Variants in SPTLC1 observed in about 807,000 individuals in gnomAD.
The protein encoded by SPTLC1 is serine palmitoyltransferase long chain base subunit 1, also known as serine palmitoyltransferase 1.
In SPTLC1, 55 loss-of-function variants were observed where a neutral mutation model predicts 68.9. That is an observed-to-expected ratio of 0.80 (90% CI 0.64 to 1.00). SPTLC1 has a LOEUF of 1.00. Ranked by LOEUF, SPTLC1 falls within the 50% of genes least tolerant of loss-of-function variation. The pLI is 0.00. For missense variants in SPTLC1, 449 were observed against 573.1 expected, an observed-to-expected ratio of 0.78 and a Z score of 2.21; for synonymous variants, 197 against 201.6, an observed-to-expected ratio of 0.98 and a Z score of 0.19.
intron 7 of SPTLC1, among the ~76,000 whole-genome samples, chr9:92,056,330 A>G (rs1833889761): frequency 6.6e-6 from 1 of 152,138 alleles, no homozygotes; most frequent in African/African-American, 2.4e-5. Context: ...CCAGGGTTCA[A>G]GCAATTCTCT....
rs115990612 is a variant in SPTLC1, at chr9:92,036,193, T to C, written c.1255-1310A>G. On this transcript the variant is annotated intron_variant, in intron 13 of 14. Coordinates refer to ENST00000262554, the MANE Select transcript of SPTLC1 (RefSeq NM_006415.4). The stretch of plus-strand genomic sequence containing the variant: ...ATAGTATTCTGTTCCCTACCCCAGA[T>C]TGTTCTCTTCTCACTCAACTCTCAA... 2.3e-3 allele frequency among the ~76,000 whole-genome samples: 352 copies of C among 152,334 alleles called. 4 individuals carry two copies. The highest frequency in any genetic ancestry group is 7.8e-3 in the African/African-American group (325 of 41,570).
At chr9:92,047,021 G>C (rs1241487200) in intron 11 of SPTLC1, 151 bp downstream of exon 11, 7 of 722,542 alleles carry the variant, frequency 9.7e-6, no homozygotes, top group East Asian at 2.7e-5. Flanking sequence ...GGCAGGAATA[G>C]CTTCTTCACT....
intron 3 of SPTLC1, among the ~76,000 whole-genome samples, chr9:92,082,260 T>G (rs1268600124): frequency 1.3e-5 from 2 of 152,130 alleles, no homozygotes; most frequent in Non-Finnish European, 2.9e-5. Flanking sequence ...ATTATTATAC[T>G]CTAAGTTTTA....
At chr9:92,104,518 G>A in intron 3 of SPTLC1, 1 of 1,417,748 alleles carries the variant, frequency 7.1e-7, no homozygotes, top group African/African-American at 1.4e-5. Flanking sequence ...AGAAACCCGT[G>A]CTGTCTGCTC....
intron 5 of SPTLC1, among the ~76,000 whole-genome samples, chr9:92,071,305 C>T (rs1417894674): frequency 1.3e-5 from 2 of 151,620 alleles, no homozygotes; most frequent in Non-Finnish European, 2.9e-5. Context: ...GAGGCTGAGG[C>T]AGGAGAATCG....
At chr9:92,063,769 C>T (rs1030506237) in intron 6 of SPTLC1, among the ~76,000 whole-genome samples, 1 of 152,174 alleles carries the variant, frequency 6.6e-6, no homozygotes, top group Non-Finnish European at 1.5e-5. Flanking sequence ...ATGATCATAT[C>T]AACCAATACA....
rs765166668 is a variant in SPTLC1 at position 92,047,623 on chromosome 9, A to G, written c.974T>C (p.Ile325Thr). The change falls in exon 10 of 15, where the codon ATT becomes ACT. Residue 325 changes from isoleucine (I) to threonine (T), a missense_variant. Physicochemically the swap from Ile to Thr is moderately conservative, Grantham distance 89. Transcript: ENST00000262554. ...TTAAAAAGAACCCACCTGATGGTCA[A>G]TTACAAAAGACCTGCCACAGCAGAA... ...GGFCCGRSFV[I>T]DHQRLSGQGY... 6.2e-7 allele frequency: 1 copy of G among 1,611,832 alleles called. No homozygotes were observed. The highest frequency in any genetic ancestry group is 1.3e-5 in the African/African-American group (1 of 74,882).
intron 5 of SPTLC1, among the ~76,000 whole-genome samples, chr9:92,071,198 T>C (rs1834471518): frequency 7.2e-6 from 1 of 139,244 alleles, no homozygotes; most frequent in African/African-American, 2.7e-5. Context: ...GGGACCAGCC[T>C]GACCAAAACG....
At chr9:92,092,056 C>G (rs947740766) in intron 3 of SPTLC1, among the ~76,000 whole-genome samples, 1 of 152,156 alleles carries the variant, frequency 6.6e-6, no homozygotes, top group Non-Finnish European at 1.5e-5. Context: ...TAATACTGAT[C>G]TTTATACTGT....
chr9:92,085,038 T>G (rs879412708), intron 3 of SPTLC1, among the ~76,000 whole-genome samples: 2 of 151,686 alleles, frequency 1.3e-5, no homozygotes, highest in African/African-American at 4.8e-5. Flanking sequence ...TAGAGGTGTT[T>G]GTAGTATTCT....
chr9:92,093,876 T>C (rs920689897), intron 3 of SPTLC1, among the ~76,000 whole-genome samples: 1 of 152,160 alleles, frequency 6.6e-6, no homozygotes, highest in Non-Finnish European at 1.5e-5. Flanking sequence ...TATTTGCAGG[T>C]AGGCAGAGAC....
In SPTLC1 at chr9:92,104,971, A is replaced by C. The variant is rs538062380; in HGVS notation, c.260+3769T>G. ...TCCTTCCCTTTGGGAAGCCTGACCC[A>C]CTTCCAACAGTGCTCCCTGCCCCAG... On this transcript the variant is annotated intron_variant, in intron 3 of 14. Transcript: ENST00000262554. 304 of 1,533,350 alleles carry C rather than the reference A, an allele frequency of 2.0e-4. 5 individuals are homozygous for C. In the East Asian group the frequency reaches 6.3e-3, roughly 32 times the overall value. 95.0% of individuals were successfully genotyped at this position (1,533,350 alleles called of 1,614,324 possible).
intron 7 of SPTLC1, among the ~76,000 whole-genome samples, chr9:92,057,543 G>C (rs1032433488): frequency 2.6e-5 from 4 of 152,184 alleles, no homozygotes; most frequent in African/African-American, 9.6e-5. Context: ...AAAACTCCTA[G>C]CCTAATCTCC....
chr9:92,045,978 T>C (rs372519395), intron 12 of SPTLC1, 21 bp downstream of exon 12: 19 of 1,607,102 alleles, frequency 1.2e-5, no homozygotes, highest in African/African-American at 5.4e-5. Context: ...TTTATGTTGG[T>C]TGAAAATATA....
intron 13 of SPTLC1, among the ~76,000 whole-genome samples, chr9:92,037,759 C>T (rs1833193573): frequency 6.6e-6 from 1 of 152,138 alleles, no homozygotes; most frequent in Admixed American, 6.5e-5. Flanking sequence ...TTATAAAAAG[C>T]GGTCTTCCTT....
At chr9:92,082,761 G>A (rs1040362145) in intron 3 of SPTLC1, among the ~76,000 whole-genome samples, 1 of 151,688 alleles carries the variant, frequency 6.6e-6, no homozygotes, top group Admixed American at 6.6e-5. Flanking sequence ...ACCCAGTAAT[G>A]GGATGGCTGG....
intron 8 of SPTLC1, among the ~76,000 whole-genome samples, chr9:92,052,644 C>T (rs573489421): frequency 7.9e-5 from 12 of 152,050 alleles, no homozygotes; most frequent in Non-Finnish European, 1.8e-4. Flanking sequence ...ATTCTCCTGC[C>T]TCAGCCTCCC....
intron 3 of SPTLC1, among the ~76,000 whole-genome samples, chr9:92,096,390 T>C (rs1304639158): frequency 1.3e-5 from 2 of 152,168 alleles, no homozygotes; most frequent in African/African-American, 4.8e-5. Context: ...TGTGTATATA[T>C]ATATAAATAT....
intron 3 of SPTLC1, among the ~76,000 whole-genome samples, chr9:92,093,654 T>A (rs532333990): frequency 6.3e-4 from 96 of 152,326 alleles, no homozygotes; most frequent in African/African-American, 2.3e-3. Flanking sequence ...AGATATACGA[T>A]GGTCAGCTGA....
Sources: gnomAD v4.1 joint callset for allele counts (sites outside exome capture counted in the v4.1 genomes callset) on GRCh38, gnomAD v4.1.1 for gene constraint, MANE v1.5 for transcripts, NCBI Gene and HGNC (gene_info 2026-07-23, HGNC 2026-07-21) for gene names.